Variants in HTR2C observed in about 807,000 individuals in gnomAD.
The protein encoded by HTR2C is 5-hydroxytryptamine (serotonin) receptor 2C, G protein-coupled.
A neutral mutation model predicts 21.0 loss-of-function variants in HTR2C; 5 were observed. That is an observed-to-expected ratio of 0.24 (90% CI 0.12 to 0.50). The LOEUF (loss-of-function observed/expected upper bound fraction) is 0.50, where lower values mean the gene tolerates loss of function less well. Ranked by LOEUF, HTR2C falls within the 20% of genes least tolerant of loss-of-function variation. The probability of loss-of-function intolerance (pLI) is 0.98; values close to 1 mark genes in which losing one functional copy is unlikely to be tolerated. For synonymous variants in HTR2C, 150 were observed against 145.3 expected (o/e 1.03, Z -0.23); for missense variants, 271 against 371.2 (o/e 0.73, Z 2.22).
At chrX:114,859,152 A>G (rs1296694263) in intron 5 of HTR2C, among the ~76,000 whole-genome samples, 1 of 110,895 alleles carries the variant, frequency 9.0e-6, no homozygotes, top group Non-Finnish European at 1.9e-5. Flanking sequence ...TAGTTTTGGT[A>G]GCAGGGTATG....
chrX:114,606,471 G>A (rs1260310503), intron 1 of HTR2C, among the ~76,000 whole-genome samples: 1 of 111,735 alleles, frequency 8.9e-6, no homozygotes, highest in Non-Finnish European at 1.9e-5. Context: ...TGCCTTCCCA[G>A]TCCGTGACCG....
intron 2 of HTR2C, among the ~76,000 whole-genome samples, chrX:114,644,441 T>A (rs1930285340): frequency 1.1e-5 from 1 of 92,284 alleles, no homozygotes; most frequent in Non-Finnish European, 2.1e-5. Context: ...ATACTTTTTT[T>A]AGTCATATTG....
chrX:114,886,286 T>G (rs1232055937), intron 5 of HTR2C, among the ~76,000 whole-genome samples: 1 of 111,076 alleles, frequency 9.0e-6, no homozygotes, highest in African/African-American at 3.3e-5. Context: ...TGGATCATGA[T>G]TTTATTCAAT....
chrX:114,806,408 C>CA (rs782088263), intron 4 of HTR2C, among the ~76,000 whole-genome samples: 2 of 58,375 alleles, frequency 3.4e-5, no homozygotes, highest in African/African-American at 6.9e-5. Context: ...TATATATACA[C>CA]CATATATATA....
chrX:114,654,186 ATTAG>A (rs1210181532), intron 2 of HTR2C, among the ~76,000 whole-genome samples: 3 of 109,698 alleles, frequency 2.7e-5, no homozygotes, highest in Non-Finnish European at 5.7e-5. Flanking sequence ...CTCTTTGCTT[ATTAG>A]TTACTGTAAC....
At chrX:114,679,397 GC>G (rs1556413233) in intron 2 of HTR2C, among the ~76,000 whole-genome samples, 1 of 110,480 alleles carries the variant, frequency 9.1e-6, no homozygotes, top group African/African-American at 3.3e-5. Context: ...TCTCGCCTCA[GC>G]CTCCTAAGTA....
chrX:114,685,869 G>C (rs929003524), intron 2 of HTR2C, among the ~76,000 whole-genome samples: 3 of 111,808 alleles, frequency 2.7e-5, no homozygotes, highest in African/African-American at 9.7e-5. Context: ...ACAGGTAGTG[G>C]TAGTGATTTT....
At chrX:114,878,066 A>G (rs782270513) in intron 5 of HTR2C, among the ~76,000 whole-genome samples, 1 of 110,725 alleles carries the variant, frequency 9.0e-6, no homozygotes, top group South Asian at 3.7e-4. Context: ...GATGTCTTCT[A>G]TTTAATACTA....
chrX:114,666,197 G>A (rs781946597), intron 2 of HTR2C, among the ~76,000 whole-genome samples: 17 of 111,761 alleles, frequency 1.5e-4, no homozygotes, highest in African/African-American at 5.5e-4. Context: ...TAAAAAGATT[G>A]CAAACATAAA....
At chrX:114,725,248 C>G (rs1314781880) in intron 2 of HTR2C, among the ~76,000 whole-genome samples, 1 of 110,409 alleles carries the variant, frequency 9.1e-6, no homozygotes. Flanking sequence ...CTTCCCTTCT[C>G]GCTTCATTTC....
At chrX:114,724,634 G>T (rs1427294408) in intron 2 of HTR2C, among the ~76,000 whole-genome samples, 1 of 99,510 alleles carries the variant, frequency 1.0e-5, no homozygotes, top group African/African-American at 3.6e-5. Flanking sequence ...AATTTGGCAT[G>T]ATTTTGCAAT....
intron 2 of HTR2C, among the ~76,000 whole-genome samples, chrX:114,661,282 G>A (rs185506898): frequency 3.6e-5 from 4 of 110,619 alleles, no homozygotes; most frequent in Admixed American, 9.7e-5. Context: ...GTGAAACCCC[G>A]TCTCTACTAA....
At chrX:114,610,782 A>T (rs188327954) in intron 1 of HTR2C, among the ~76,000 whole-genome samples, 2 of 111,135 alleles carry the variant, frequency 1.8e-5, no homozygotes, top group African/African-American at 6.6e-5. Flanking sequence ...CATAAAATGT[A>T]TCTCAAATTT....
At chrX:114,905,021 T>G (rs1434237365) in intron 5 of HTR2C, among the ~76,000 whole-genome samples, 1 of 111,013 alleles carries the variant, frequency 9.0e-6, no homozygotes, top group Non-Finnish European at 1.9e-5. Context: ...CTTTTCTCCT[T>G]CTAATAATTG....
chrX:114,783,763 T>TA (rs1271799730), intron 4 of HTR2C, among the ~76,000 whole-genome samples: 2 of 111,517 alleles, frequency 1.8e-5, no homozygotes, highest in East Asian at 5.6e-4. Flanking sequence ...ACATATAAGT[T>TA]AAAATCATAT....
intron 4 of HTR2C, among the ~76,000 whole-genome samples, chrX:114,834,408 A>G (rs1352444965): frequency 9.3e-6 from 1 of 107,480 alleles, no homozygotes; most frequent in African/African-American, 3.4e-5. Context: ...ATATATATTT[A>G]GGATAGTTAG....
intron 2 of HTR2C, among the ~76,000 whole-genome samples, chrX:114,688,486 C>A (rs180802714): frequency 2.7e-5 from 3 of 111,052 alleles, no homozygotes. Flanking sequence ...ATTTAAAAAT[C>A]GTCTTATAAT....
intron 4 of HTR2C, among the ~76,000 whole-genome samples, chrX:114,783,825 T>G (rs1556441134): frequency 9.0e-6 from 1 of 111,408 alleles, no homozygotes; most frequent in Non-Finnish European, 1.9e-5. Flanking sequence ...CTAAACATTT[T>G]GAAATAATCC....
At chrX:114,617,860 A>G (rs939799498) in intron 2 of HTR2C, among the ~76,000 whole-genome samples, 3 of 112,067 alleles carry the variant, frequency 2.7e-5, no homozygotes, top group Non-Finnish European at 5.6e-5. Context: ...CATAATATAC[A>G]TTCAATAATA....
Sources: allele counts gnomAD v4.1 joint callset (sites outside exome capture counted in the v4.1 genomes callset), GRCh38; gene constraint gnomAD v4.1.1; transcripts MANE v1.5; gene names NCBI Gene and HGNC (gene_info 2026-07-23, HGNC 2026-07-21).